SPEF2: variants seen among roughly 807,000 people sequenced by gnomAD.
SPEF2 encodes sperm flagellar and cilia associated 2, also known as sperm flagella and cilia-associated protein 2.
In SPEF2, 187 loss-of-function variants were observed where a neutral mutation model predicts 224.6. That is an observed-to-expected ratio of 0.83 (90% confidence interval 0.74 to 0.94). SPEF2 has a LOEUF of 0.94. Ranked by LOEUF, SPEF2 falls within the 40% of genes least tolerant of loss-of-function variation. The pLI, the probability that SPEF2 is intolerant of heterozygous loss-of-function variation, is 0.00. For missense variants in SPEF2, 2,170 were observed against 2,135.6 expected, an observed-to-expected ratio of 1.02 and a Z score of -0.32; for synonymous variants, 715 against 707.3, an observed-to-expected ratio of 1.01 and a Z score of -0.17.
In SPEF2 at chr5:35,795,975, G is replaced by T. The variant is rs142969336; in HGVS notation, c.4830+180G>T. Among the ~76,000 whole-genome samples, 11 of 152,310 alleles carry T rather than the reference G, an allele frequency of 7.2e-5. No individual in the cohort carries two copies. The East Asian group carries it at 2.1e-3, about 29-fold the overall frequency. ...GGAGGCAGTGTAGAGAAGTTCTGGG[G>T]AGGAGGCAGGGGCCAGAATCTCAGA... On this transcript the variant is annotated intron_variant, in intron 33 of 36. Coordinates refer to ENST00000356031, the MANE Select transcript of SPEF2 (RefSeq NM_024867.4).
At position 35,747,041 on chromosome 5, in the gene SPEF2, T is replaced by G. The variant is rs561153773; in HGVS notation, c.3331-6583T>G. On this transcript the variant is annotated intron_variant, in intron 23 of 36. Coordinates refer to ENST00000356031, the MANE Select transcript of SPEF2 (RefSeq NM_024867.4). Reference sequence around the variant, plus strand: ...TCAGCCTCCTCAAACGAAACAATTATCAGCCAAGAATTTTCTATCAAGCAA... The same window carrying G: ...TCAGCCTCCTCAAACGAAACAATTAGCAGCCAAGAATTTTCTATCAAGCAA... 2.6e-4 allele frequency among the ~76,000 whole-genome samples: 40 copies of G among 152,228 alleles called. No individual in the cohort carries two copies. In the South Asian group the frequency reaches 7.9e-3, roughly 30 times the overall value.
chr5:35,633,709 T>G (rs1340271659), intron 2 of SPEF2, among the ~76,000 whole-genome samples: 1 of 151,920 alleles, frequency 6.6e-6, no homozygotes, highest in Non-Finnish European at 1.5e-5. Flanking sequence ...TACTACTGCC[T>G]TCTTTAGTGT....
At chr5:35,646,870 G>C (rs981733175) in intron 5 of SPEF2, 63 bp downstream of exon 5, 2 of 1,547,500 alleles carry the variant, frequency 1.3e-6, no homozygotes, top group Admixed American at 1.9e-5. Context: ...TCTGTCTCTG[G>C]AACATATAGA....
At chr5:35,789,321 A>G in intron 30 of SPEF2, 1 of 703,498 alleles carries the variant, frequency 1.4e-6, no homozygotes, top group Non-Finnish European at 2.6e-6. Flanking sequence ...TCAATTGCTG[A>G]CATATTTGCC....
chr5:35,649,156 A>T (rs561493081), intron 5 of SPEF2, among the ~76,000 whole-genome samples: 7 of 152,254 alleles, frequency 4.6e-5, no homozygotes, highest in Admixed American at 4.6e-4. Context: ...AGGGGAGGCA[A>T]TTTTCACATT....
chr5:35,628,601 A>G, intron 2 of SPEF2, 39 bp downstream of exon 2: 1 of 1,437,836 alleles, frequency 7.0e-7, no homozygotes, highest in Non-Finnish European at 9.8e-7. Flanking sequence ...GTTGTTGTTT[A>G]TTTGTTTTGA....
Position 35,712,792 on chromosome 5 carries a change from G to C in SPEF2, c.2840-20G>C. On this transcript the variant is annotated intron_variant, in intron 19 of 36. Transcript: ENST00000356031. ...TTGAAGTAAATCATCAATGATTTTTGTGTGTCGAATTTTGTTTAGAAGCCC... is the reference window on the plus strand; with the variant it reads ...TTGAAGTAAATCATCAATGATTTTTCTGTGTCGAATTTTGTTTAGAAGCCC... 6.2e-7 allele frequency: 1 copy of C among 1,612,282 alleles called. No homozygotes were observed. The highest frequency in any genetic ancestry group is 8.5e-7 in the Non-Finnish European group (1 of 1,178,818).
intron 19 of SPEF2, chr5:35,710,771 C>T: frequency 1.0e-6 from 1 of 985,224 alleles, no homozygotes; most frequent in Non-Finnish European, 1.2e-6. Flanking sequence ...CTTTAAGTTT[C>T]TGAAGTTTGT....
At chr5:35,640,841 A>G (rs1288695516) in intron 2 of SPEF2, among the ~76,000 whole-genome samples, 1 of 152,170 alleles carries the variant, frequency 6.6e-6, no homozygotes, top group East Asian at 1.9e-4. Flanking sequence ...TTTTGTTGAC[A>G]TTGGCCATCT....
chr5:35,759,354 G>A (rs1436789653), intron 24 of SPEF2, among the ~76,000 whole-genome samples: 2 of 152,142 alleles, frequency 1.3e-5, no homozygotes, highest in African/African-American at 2.4e-5. Flanking sequence ...ATAGAATCAT[G>A]TTCCGTAAAT....
chr5:35,783,739 A>G (rs1022563856), intron 30 of SPEF2, among the ~76,000 whole-genome samples: 2 of 152,162 alleles, frequency 1.3e-5, no homozygotes, highest in African/African-American at 4.8e-5. Context: ...AAAAGCATTC[A>G]TTTTGTGTGC....
chr5:35,718,604 AG>A (rs1215818420), intron 20 of SPEF2, among the ~76,000 whole-genome samples: 1 of 152,186 alleles, frequency 6.6e-6, no homozygotes. Flanking sequence ...CCCATGAAGC[AG>A]GGAGGGCCTA....
At chr5:35,731,006 G>C (rs1189251663) in intron 21 of SPEF2, among the ~76,000 whole-genome samples, 2 of 152,192 alleles carry the variant, frequency 1.3e-5, no homozygotes, top group Non-Finnish European at 2.9e-5. Flanking sequence ...AATTTAGTGA[G>C]TGTCTAGCCC....
chr5:35,638,651 C>G lies in SPEF2; in HGVS notation c.162-2780C>G, dbSNP rs376079763. 7.9e-5 allele frequency among the ~76,000 whole-genome samples: 12 copies of G among 152,150 alleles called. 1 individual carries two copies. In the East Asian group the frequency reaches 2.1e-3, roughly 27 times the overall value. ...CCTTTCCTTATTACATTATCATTAT[C>G]AAGTTATAATTATTTATTTATGTAT... On this transcript the variant is annotated intron_variant, in intron 2 of 36. Coordinates refer to ENST00000356031, the MANE Select transcript of SPEF2 (RefSeq NM_024867.4).
chr5:35,683,155 T>C (rs1309593708), intron 10 of SPEF2, among the ~76,000 whole-genome samples: 2 of 152,134 alleles, frequency 1.3e-5, no homozygotes, highest in Admixed American at 6.5e-5. Context: ...AGGTCACCAT[T>C]AGGCTCCTAC....
chr5:35,638,590 C>T (rs948389433), intron 2 of SPEF2, among the ~76,000 whole-genome samples: 4 of 152,140 alleles, frequency 2.6e-5, no homozygotes, highest in African/African-American at 9.7e-5. Flanking sequence ...GATTTAGTCT[C>T]CCTTTTCTCT....
chr5:35,623,838 TAAC>T (rs1743843825), intron 1 of SPEF2, among the ~76,000 whole-genome samples: 1 of 152,362 alleles, frequency 6.6e-6, no homozygotes, highest in South Asian at 2.1e-4. Flanking sequence ...ACAGTAATAA[TAAC>T]AATAAAAATA....
chr5:35,667,387 G>T (rs936774293), intron 9 of SPEF2, 128 bp downstream of exon 9: 19 of 820,312 alleles, frequency 2.3e-5, no homozygotes, highest in Admixed American at 3.7e-5. Context: ...TAAAAGGTGG[G>T]GTCCAGGAGA....
chr5:35,803,547 G>C (rs1380352918), intron 34 of SPEF2, among the ~76,000 whole-genome samples: 1 of 152,162 alleles, frequency 6.6e-6, no homozygotes, highest in Non-Finnish European at 1.5e-5. Context: ...TCACACACAG[G>C]CCTGTTCCTG....
Sources: gnomAD v4.1 joint callset for allele counts (sites outside exome capture counted in the v4.1 genomes callset) on GRCh38, gnomAD v4.1.1 for gene constraint, MANE v1.5 for transcripts, NCBI Gene and HGNC (gene_info 2026-07-23, HGNC 2026-07-21) for gene names.